Variants in CABCOCO1 observed in about 807,000 individuals in gnomAD.
CABCOCO1 encodes ciliary associated calcium binding coiled-coil 1.
A neutral mutation model predicts 35.7 loss-of-function variants in CABCOCO1; 28 were observed. The observed-to-expected ratio is 0.78, with a 90% CI of 0.58 to 1.07. CABCOCO1 has a LOEUF of 1.07. Ranked by LOEUF, CABCOCO1 falls within the 50% of genes least tolerant of loss-of-function variation. The probability of loss-of-function intolerance (pLI) is 0.00; values close to 1 mark genes in which losing one functional copy is unlikely to be tolerated. For missense variants in CABCOCO1, 326 were observed against 309.2 expected, an observed-to-expected ratio of 1.05 and a Z score of -0.41; for synonymous variants, 95 against 100.1, an observed-to-expected ratio of 0.95 and a Z score of 0.30.
chr10:61,699,964 GATTA>G (rs1413882094), intron 5 of CABCOCO1, among the ~76,000 whole-genome samples: 5 of 151,986 alleles, frequency 3.3e-5, no homozygotes, highest in East Asian at 3.9e-4. Context: ...TTATTTTATT[GATTA>G]ATTACACAAA....
chr10:61,663,537 T>G (rs1839074903), intron 1 of CABCOCO1, among the ~76,000 whole-genome samples: 1 of 152,192 alleles, frequency 6.6e-6, no homozygotes, highest in East Asian at 1.9e-4. Flanking sequence ...TGATTAATAT[T>G]AGAAGATTGG....
intron 2 of CABCOCO1, among the ~76,000 whole-genome samples, chr10:61,678,581 A>G (rs1247732595): frequency 6.6e-6 from 1 of 152,140 alleles, no homozygotes; most frequent in African/African-American, 2.4e-5. Flanking sequence ...ATTCAGAGAT[A>G]GATTAACTTC....
At chr10:61,741,892 A>G (rs1192668087) in intron 5 of CABCOCO1, among the ~76,000 whole-genome samples, 1 of 152,136 alleles carries the variant, frequency 6.6e-6, no homozygotes, top group Non-Finnish European at 1.5e-5. Flanking sequence ...TGTGAATTCT[A>G]TGGATTCACT....
At chr10:61,665,539 C>T (rs557917723) in intron 1 of CABCOCO1, among the ~76,000 whole-genome samples, 1 of 103,554 alleles carries the variant, frequency 9.7e-6, no homozygotes, top group East Asian at 2.1e-4. Context: ...ATTCAGTGAT[C>T]GATTTTGTAT....
chr10:61,749,676 T>C (rs1045307917), intron 5 of CABCOCO1, among the ~76,000 whole-genome samples: 8 of 152,190 alleles, frequency 5.3e-5, no homozygotes, highest in Admixed American at 4.6e-4. Context: ...GAGATAAACA[T>C]TTTTTGGAAT....
chr10:61,732,313 T>A (rs1453577042), intron 5 of CABCOCO1, among the ~76,000 whole-genome samples: 1 of 152,060 alleles, frequency 6.6e-6, no homozygotes, highest in African/African-American at 2.4e-5. Context: ...TTTAGAGAAC[T>A]CCTTTGCTTT....
At chr10:61,682,050 C>T (rs187996536) in intron 3 of CABCOCO1, among the ~76,000 whole-genome samples, 127 of 152,164 alleles carry the variant, frequency 8.3e-4, no homozygotes, top group Admixed American at 2.3e-3. Context: ...TAAGCTTTGG[C>T]GACTTCTGAG....
At chr10:61,753,061 A>T (rs1265774756) in intron 5 of CABCOCO1, among the ~76,000 whole-genome samples, 1 of 152,176 alleles carries the variant, frequency 6.6e-6, no homozygotes, top group African/African-American at 2.4e-5. Flanking sequence ...TTATTATCTC[A>T]TATGATTTCT....
intron 5 of CABCOCO1, among the ~76,000 whole-genome samples, chr10:61,730,820 A>C (rs1467712622): frequency 6.6e-6 from 1 of 151,970 alleles, no homozygotes; most frequent in African/African-American, 2.4e-5. Flanking sequence ...GAATTCTGTG[A>C]TATTACTGTC....
In CABCOCO1 at chr10:61,766,038, C is replaced by T. The variant is rs1354505300; in HGVS notation, c.*25C>T. On this transcript the variant is annotated 3_prime_UTR_variant, in exon 8 of 8. Transcript: ENST00000648843. The stretch of plus-strand genomic sequence containing the variant: ...AGGACTTGGTACAAGGAGAGTGATG[C>T]TAAACTTCACAGAAACAAACAAAAC... 1 of 1,585,866 alleles carries T rather than the reference C, an allele frequency of 6.3e-7. No homozygotes were observed. The highest frequency in any genetic ancestry group is 2.2e-5 in the East Asian group (1 of 44,686).
chr10:61,686,945 A>G (rs1209803395), intron 4 of CABCOCO1, among the ~76,000 whole-genome samples: 1 of 152,190 alleles, frequency 6.6e-6, no homozygotes, highest in Non-Finnish European at 1.5e-5. Flanking sequence ...TCAAGCTGAA[A>G]GCTTCTGCAT....
chr10:61,690,484 T>G, intron 4 of CABCOCO1, 65 bp from the exon 5 acceptor site: 1 of 1,096,872 alleles, frequency 9.1e-7, no homozygotes, highest in Non-Finnish European at 1.4e-6. Context: ...AATAAATGTC[T>G]TTACATATTG....
intron 5 of CABCOCO1, among the ~76,000 whole-genome samples, chr10:61,707,725 G>A (rs12763641): frequency 0.12 from 17,960 of 152,122 alleles, 1,404 homozygotes; most frequent in African/African-American, 0.19. Flanking sequence ...TGAGAAAAAC[G>A]TGTTGCAATG....
At chr10:61,723,480 A>C (rs1841071837) in intron 5 of CABCOCO1, among the ~76,000 whole-genome samples, 1 of 152,214 alleles carries the variant, frequency 6.6e-6, no homozygotes, top group Non-Finnish European at 1.5e-5. Flanking sequence ...TAATAAGAGA[A>C]TGAAACAGGC....
chr10:61,716,763 G>C (rs7073132), intron 5 of CABCOCO1, among the ~76,000 whole-genome samples: 83,561 of 151,686 alleles, frequency 0.55, 23,818 homozygotes, highest in Admixed American at 0.68. Context: ...ATTCATTTCT[G>C]AATAATACCT....
chr10:61,734,519 A>G (rs76315738), intron 5 of CABCOCO1, among the ~76,000 whole-genome samples: 65,096 of 150,954 alleles, frequency 0.43, 15,737 homozygotes, highest in Non-Finnish European at 0.55. Flanking sequence ...GGAAGGGGGA[A>G]AAAAAAAACA....
At chr10:61,730,260 A>G (rs1337098541) in intron 5 of CABCOCO1, among the ~76,000 whole-genome samples, 1 of 152,032 alleles carries the variant, frequency 6.6e-6, no homozygotes, top group Non-Finnish European at 1.5e-5. Context: ...TGTTATCATG[A>G]CAAAAAGTAA....
intron 5 of CABCOCO1, among the ~76,000 whole-genome samples, chr10:61,699,629 C>T (rs937010543): frequency 3.4e-4 from 52 of 151,946 alleles, no homozygotes; most frequent in African/African-American, 1.0e-3. Context: ...CTCATAGCTT[C>T]GTCTGAGAGA....
chr10:61,735,193 T>G (rs922901540), intron 5 of CABCOCO1, among the ~76,000 whole-genome samples: 1 of 152,020 alleles, frequency 6.6e-6, no homozygotes, highest in South Asian at 2.1e-4. Context: ...AAGCCATTTA[T>G]AAAGTAAGTA....
Sources: allele counts gnomAD v4.1 joint callset (sites outside exome capture counted in the v4.1 genomes callset), GRCh38; gene constraint gnomAD v4.1.1; transcripts MANE v1.5; gene names NCBI Gene and HGNC (gene_info 2026-07-23, HGNC 2026-07-21).